Variants in MAPRE2 observed in about 807,000 individuals in gnomAD.
MAPRE2 encodes the protein microtubule associated protein RP/EB family member 2.
In MAPRE2, 13 loss-of-function variants were observed where a neutral mutation model predicts 43.2. That is an observed-to-expected ratio of 0.30 (90% CI 0.20 to 0.48). The LOEUF (loss-of-function observed/expected upper bound fraction) is 0.48. MAPRE2 is among the 20% of genes least tolerant of loss of function. MAPRE2 has a pLI of 0.99. For missense variants in MAPRE2, 161 were observed against 400.2 expected, an observed-to-expected ratio of 0.40 and a Z score of 5.10; for synonymous variants, 135 against 148.8, an observed-to-expected ratio of 0.91 and a Z score of 0.68.
chr18:35,100,646 A>G (rs1324207265), intron 3 of MAPRE2, among the ~76,000 whole-genome samples: 3 of 152,354 alleles, frequency 2.0e-5, no homozygotes, highest in Middle Eastern at 3.4e-3. Context: ...AAAAGTATCT[A>G]TTTTATTGAT....
At chr18:35,120,804 T>C (rs1909633684) in intron 4 of MAPRE2, among the ~76,000 whole-genome samples, 1 of 152,128 alleles carries the variant, frequency 6.6e-6, no homozygotes, top group South Asian at 2.1e-4. Context: ...GAAAGTAATA[T>C]CAAATCCATC....
rs371235156 is a variant in MAPRE2, at chr18:34,978,510, A to T, written c.-70+1431A>T. 14 of 1,551,464 alleles carry T rather than the reference A, an allele frequency of 9.0e-6. No homozygotes were observed. In the African/African-American group the frequency reaches 1.8e-4, roughly 20 times the overall value. ...GATTTACACTTTTGCTGAATAGGAC[A>T]CTGTGGAATGAAACAGAACAGAGAT... On this transcript the variant is annotated intron_variant, in intron 1 of 7. Coordinates refer to the MAPRE2 transcript ENST00000413393.
At chr18:34,996,766 A>C (rs537357000) in intron 1 of MAPRE2, among the ~76,000 whole-genome samples, 186 of 152,370 alleles carry the variant, frequency 1.2e-3, no homozygotes, top group African/African-American at 3.8e-3. Flanking sequence ...TTGTATACGA[A>C]GTCTTCAGAG....
intron 2 of MAPRE2, among the ~76,000 whole-genome samples, chr18:35,093,733 G>A (rs1908270133): frequency 6.6e-6 from 1 of 152,146 alleles, no homozygotes; most frequent in Non-Finnish European, 1.5e-5. Context: ...TAGAAATAGA[G>A]AGTAGAATAA....
At chr18:35,066,772 G>A (rs2150620210) in intron 1 of MAPRE2, among the ~76,000 whole-genome samples, 1 of 152,346 alleles carries the variant, frequency 6.6e-6, no homozygotes, top group East Asian at 1.9e-4. Flanking sequence ...GAACTCTCAG[G>A]CCTAAAATCG....
At chr18:35,124,792 G>A (rs1377091190) in intron 4 of MAPRE2, among the ~76,000 whole-genome samples, 1 of 152,164 alleles carries the variant, frequency 6.6e-6, no homozygotes, top group Non-Finnish European at 1.5e-5. Flanking sequence ...AAGATTCTTT[G>A]CCAGATCAGG....
chr18:34,986,335 A>G (rs2097020992), intron 1 of MAPRE2, among the ~76,000 whole-genome samples: 2 of 152,164 alleles, frequency 1.3e-5, no homozygotes, highest in Admixed American at 1.3e-4. Context: ...AACATTTGAT[A>G]TGAAGAAGAA....
chr18:34,983,407 T>C (rs1001052824), intron 1 of MAPRE2, among the ~76,000 whole-genome samples: 8 of 152,184 alleles, frequency 5.3e-5, no homozygotes, highest in Non-Finnish European at 1.2e-4. Flanking sequence ...TGAAAACATG[T>C]CCTTAAGAGC....
chr18:35,040,833 G>A (rs188463230), upstream of MAPRE2, among the ~76,000 whole-genome samples: 8 of 152,172 alleles, frequency 5.3e-5, no homozygotes, highest in African/African-American at 1.9e-4. Flanking sequence ...ATTATTAAAG[G>A]CTACATTGAT....
intron 4 of MAPRE2, among the ~76,000 whole-genome samples, chr18:35,110,062 A>T (rs1909109676): frequency 1.3e-5 from 2 of 152,140 alleles, no homozygotes; most frequent in Admixed American, 6.5e-5. Context: ...CTATCCTTTA[A>T]ATTAATACTG....
intron 1 of MAPRE2, among the ~76,000 whole-genome samples, chr18:34,977,336 T>G (rs1037754975): frequency 2.6e-5 from 4 of 152,164 alleles, no homozygotes; most frequent in Non-Finnish European, 4.4e-5. Context: ...CCCAGCTCTG[T>G]GCACCCCAGG....
chr18:35,041,487 C>G lies in MAPRE2; in HGVS notation c.-53C>G, dbSNP rs1905363441. Reference sequence around the variant, plus strand: ...CGAGCGAGCGGGAAGACGCAGCCACCTTCCTCACCAGCCAGCCCACAGCGG... The same window carrying G: ...CGAGCGAGCGGGAAGACGCAGCCACGTTCCTCACCAGCCAGCCCACAGCGG... On this transcript the variant is annotated 5_prime_UTR_variant, in exon 1 of 7. Coordinates refer to ENST00000300249, the MANE Select transcript of MAPRE2 (RefSeq NM_014268.4). The G allele has an allele frequency of 1.2e-6, 2 of 1,613,262 alleles. No homozygotes were observed. The highest frequency in any genetic ancestry group is 2.2e-5 in the South Asian group (2 of 91,062).
chr18:35,140,030 A>AAAAC (rs1910558272), intron 6 of MAPRE2, among the ~76,000 whole-genome samples: 1 of 152,254 alleles, frequency 6.6e-6, no homozygotes, highest in African/African-American at 2.4e-5. Flanking sequence ...ATTTCCTTCC[A>AAAAC]AAACAAAATA....
intron 1 of MAPRE2, among the ~76,000 whole-genome samples, chr18:35,056,864 G>C (rs1906259127): frequency 6.6e-6 from 1 of 152,160 alleles, no homozygotes; most frequent in South Asian, 2.1e-4. Context: ...GCAGTATACT[G>C]TATTAAAAAT....
intron 2 of MAPRE2, among the ~76,000 whole-genome samples, chr18:35,035,020 C>A (rs1436899993): frequency 6.6e-6 from 1 of 151,714 alleles, no homozygotes; most frequent in Non-Finnish European, 1.5e-5. Context: ...GGGTATATAC[C>A]CAAAGGACTA....
intron 4 of MAPRE2, among the ~76,000 whole-genome samples, chr18:35,112,466 C>G (rs546972769): frequency 2.0e-5 from 3 of 152,130 alleles, no homozygotes; most frequent in Non-Finnish European, 4.4e-5. Context: ...CTACCACACC[C>G]GGCAGAACAT....
intron 1 of MAPRE2, among the ~76,000 whole-genome samples, chr18:34,982,118 C>T (rs1024237036): frequency 6.6e-6 from 1 of 151,920 alleles, no homozygotes; most frequent in African/African-American, 2.4e-5. Context: ...CTCCTGACCT[C>T]GTAATCCGCC....
At chr18:35,126,756 T>C (rs1300542751) in intron 4 of MAPRE2, among the ~76,000 whole-genome samples, 192 bp from the exon 5 acceptor site, 33 of 152,124 alleles carry the variant, frequency 2.2e-4, no homozygotes, top group Admixed American at 2.2e-3. Flanking sequence ...GTGAGATAAG[T>C]TGCCCAAAAC....
chr18:35,078,394 T>G (rs1907472765), intron 2 of MAPRE2, among the ~76,000 whole-genome samples: 1 of 152,212 alleles, frequency 6.6e-6, no homozygotes, highest in Non-Finnish European at 1.5e-5. Flanking sequence ...TTTTATACAT[T>G]AGGGGTATAA....
Sources: gnomAD v4.1 joint callset for allele counts (sites outside exome capture counted in the v4.1 genomes callset) on GRCh38, gnomAD v4.1.1 for gene constraint, MANE v1.5 for transcripts, NCBI Gene and HGNC (gene_info 2026-07-23, HGNC 2026-07-21) for gene names.